The following CTNND2 variants were observed in gnomAD, a reference collection of about 807,000 sequenced individuals.
The protein encoded by CTNND2 is catenin delta-2.
Under a neutral mutation model 144.4 loss-of-function variants are expected in CTNND2, and 22 were observed. The observed-to-expected ratio is 0.15, with a 90% CI of 0.11 to 0.22. The LOEUF (loss-of-function observed/expected upper bound fraction) is 0.22. Among genes scored for constraint, CTNND2 ranks in the 10% least tolerant of loss-of-function variants. The pLI, the probability that CTNND2 is intolerant of heterozygous loss-of-function variation, is 1.00. For synonymous variants in CTNND2, 751 were observed against 695.6 expected, an observed-to-expected ratio of 1.08 and a Z score of -1.25; for missense variants, 1,353 against 1,618.8, an observed-to-expected ratio of 0.84 and a Z score of 2.82.
chr5:11,639,878 A>G lies in CTNND2; in HGVS notation c.175-74822T>C, dbSNP rs564177141. ...ATTACCTATGATGCATGTTGCTTCA[A>G]TGAAAGACAAAACTCAAGGCCTGTC... On this transcript the variant is annotated intron_variant, in intron 2 of 21. Transcript: ENST00000304623. Among the ~76,000 whole-genome samples the G allele has an allele frequency of 8.5e-5, 13 of 152,356 alleles. No homozygotes were observed. In the East Asian group the frequency reaches 2.1e-3, roughly 25 times the overall value.
intron 1 of CTNND2, among the ~76,000 whole-genome samples, chr5:11,755,424 C>T (rs954159838): frequency 2.6e-5 from 4 of 151,388 alleles, no homozygotes; most frequent in Non-Finnish European, 5.9e-5. Context: ...TGTGTCTTGT[C>T]GATGGTCATC....
chr5:11,639,003 T>C (rs1446859848), intron 2 of CTNND2, among the ~76,000 whole-genome samples: 1 of 152,148 alleles, frequency 6.6e-6, no homozygotes, highest in African/African-American at 2.4e-5. Context: ...AAGGAACACT[T>C]GAGAAAATCA....
At chr5:11,072,932 C>T (rs890923443) in intron 16 of CTNND2, among the ~76,000 whole-genome samples, 1 of 152,228 alleles carries the variant, frequency 6.6e-6, no homozygotes, top group Non-Finnish European at 1.5e-5. Flanking sequence ...CCTTATGCCC[C>T]CAAGGGCAGC....
chr5:11,065,478 A>G lies in CTNND2; in HGVS notation c.2788+17218T>C, dbSNP rs1747461356. On this transcript the variant is annotated intron_variant, in intron 16 of 21. Coordinates refer to ENST00000304623, the MANE Select transcript of CTNND2 (RefSeq NM_001332.4). ...TCCTTTGCCTATCAGAAAGAAGCTC[A>G]CTGAATAATTCCTCTATTTTCCCCT... is the stretch of plus-strand genomic sequence containing the variant. Among the ~76,000 whole-genome samples the G allele has an allele frequency of 2.0e-5, 3 of 152,240 alleles. No homozygotes were observed. In the South Asian group the frequency reaches 6.2e-4, roughly 31 times the overall value.
chr5:11,731,311 T>G (rs568520447), intron 2 of CTNND2, among the ~76,000 whole-genome samples: 316 of 152,328 alleles, frequency 2.1e-3, no homozygotes, highest in African/African-American at 7.2e-3. Context: ...TCTTTTTGAA[T>G]AGCGTTACTA....
intron 2 of CTNND2, among the ~76,000 whole-genome samples, chr5:11,621,567 A>C (rs1780842543): frequency 6.6e-6 from 1 of 152,218 alleles, no homozygotes; most frequent in Non-Finnish European, 1.5e-5. Context: ...TAAATCATTT[A>C]AAAACATGAA....
intron 9 of CTNND2, among the ~76,000 whole-genome samples, chr5:11,304,203 T>C (rs965195700): frequency 6.6e-6 from 1 of 152,174 alleles, no homozygotes; most frequent in Non-Finnish European, 1.5e-5. Context: ...CTATCTGACT[T>C]ATTGGTTGTT....
chr5:11,166,494 C>A (rs1314489388), intron 11 of CTNND2, among the ~76,000 whole-genome samples: 3 of 151,464 alleles, frequency 2.0e-5, no homozygotes, highest in Non-Finnish European at 4.4e-5. Context: ...CATGATCCAC[C>A]CGCTTTGGCC....
At chr5:11,329,913 C>T (rs544425881) in intron 9 of CTNND2, among the ~76,000 whole-genome samples, 1 of 152,262 alleles carries the variant, frequency 6.6e-6, no homozygotes, top group South Asian at 2.1e-4. Context: ...CTCTTTCATA[C>T]CCCTCTGGAA....
At chr5:11,514,138 T>C (rs995599483) in intron 3 of CTNND2, among the ~76,000 whole-genome samples, 3 of 151,882 alleles carry the variant, frequency 2.0e-5, no homozygotes, top group African/African-American at 7.3e-5. Flanking sequence ...TGAGCTATGA[T>C]CATGCCACTG....
At chr5:11,559,559 C>A (rs191666246) in intron 3 of CTNND2, among the ~76,000 whole-genome samples, 1 of 152,190 alleles carries the variant, frequency 6.6e-6, no homozygotes, top group Admixed American at 6.5e-5. Context: ...CAGAGCACCC[C>A]AAGTCTCCAT....
intron 5 of CTNND2, among the ~76,000 whole-genome samples, chr5:11,411,134 A>T (rs183673816): frequency 2.0e-5 from 3 of 152,212 alleles, no homozygotes; most frequent in Admixed American, 2.0e-4. Context: ...GGTCTCCCAA[A>T]GTGCTGGGAT....
At chr5:11,532,054 T>C (rs1773790314) in intron 3 of CTNND2, among the ~76,000 whole-genome samples, 2 of 152,122 alleles carry the variant, frequency 1.3e-5, no homozygotes, top group South Asian at 4.1e-4. Context: ...AGCCAGACAT[T>C]ATGCTCCCCT....
At position 11,533,828 on chromosome 5, in the gene CTNND2, A is replaced by G. The variant is rs141018570; in HGVS notation, c.287+31116T>C. Among the ~76,000 whole-genome samples the G allele has an allele frequency of 6.0e-3, 908 of 152,336 alleles. 2 individuals carry two copies. Among genetic ancestry groups the G allele is most frequent in the Non-Finnish European group, 9.3e-3 (635 of 68,018 alleles). ...GACCTGAGATTCCGCATGTCTAACAAGATTCTGATGTCAATGTTCCTAGGC... is the reference window on the plus strand; with the variant it reads ...GACCTGAGATTCCGCATGTCTAACAGGATTCTGATGTCAATGTTCCTAGGC... On this transcript the variant is annotated intron_variant, in intron 3 of 21. Coordinates refer to ENST00000304623, the MANE Select transcript of CTNND2 (RefSeq NM_001332.4).
intron 15 of CTNND2, among the ~76,000 whole-genome samples, chr5:11,094,152 T>C (rs529351511): frequency 6.6e-6 from 1 of 152,238 alleles, no homozygotes; most frequent in Non-Finnish European, 1.5e-5. Context: ...TCCCATTATC[T>C]AGAATTATTA....
chr5:11,449,666 G>A (rs2149909801), intron 3 of CTNND2, among the ~76,000 whole-genome samples: 1 of 152,280 alleles, frequency 6.6e-6, no homozygotes, highest in African/African-American at 2.4e-5. Flanking sequence ...TCATTTCTCT[G>A]TTACTTGAAG....
At chr5:11,706,398 A>G (rs570747698) in intron 2 of CTNND2, among the ~76,000 whole-genome samples, 1 of 152,336 alleles carries the variant, frequency 6.6e-6, no homozygotes, top group East Asian at 1.9e-4. Flanking sequence ...TCTCAACACC[A>G]GTGCTTTCCA....
At chr5:11,430,690 C>T (rs1033215093) in intron 3 of CTNND2, among the ~76,000 whole-genome samples, 1 of 152,216 alleles carries the variant, frequency 6.6e-6, no homozygotes, top group African/African-American at 2.4e-5. Context: ...CATACTCATA[C>T]ACGTGTATAC....
chr5:11,653,316 G>A (rs1274755623), intron 2 of CTNND2, among the ~76,000 whole-genome samples: 1 of 151,954 alleles, frequency 6.6e-6, no homozygotes, highest in Non-Finnish European at 1.5e-5. Flanking sequence ...CGTTTTTTGA[G>A]AAAATGCCAT....
Sources: allele counts gnomAD v4.1 joint callset (sites outside exome capture counted in the v4.1 genomes callset), GRCh38; gene constraint gnomAD v4.1.1; transcripts MANE v1.5; gene names NCBI Gene and HGNC (gene_info 2026-07-23, HGNC 2026-07-21).